Variants in CDKN2C observed in about 807,000 individuals in gnomAD.
CDKN2C encodes cyclin dependent kinase inhibitor 2C, also known as cyclin-dependent kinase 4 inhibitor C.
A neutral mutation model predicts 11.0 loss-of-function variants in CDKN2C; 5 were observed. That is an observed-to-expected ratio of 0.45 (90% CI 0.24 to 0.95). CDKN2C has a LOEUF of 0.95. CDKN2C is among the 40% of genes least tolerant of loss of function. The pLI is 0.21. For missense variants in CDKN2C, 161 were observed against 211.9 expected (o/e 0.76, Z 1.49); for synonymous variants, 79 against 88.3 (o/e 0.89, Z 0.59).
chr1:50,965,372 C>G (rs961592261), upstream of CDKN2C, among the ~76,000 whole-genome samples: 1 of 151,904 alleles, frequency 6.6e-6, no homozygotes, highest in Non-Finnish European at 1.5e-5. Flanking sequence ...GTAGTGGGCG[C>G]CTGTAATCCC....
upstream of CDKN2C, chr1:50,969,799 C>A: frequency 5.3e-6 from 1 of 190,040 alleles, no homozygotes; most frequent in Non-Finnish European, 1.1e-5. The surrounding 1 kb of genome is among the most constrained non-coding windows in gnomAD (Gnocchi z 6.6). Context: ...GCGGAGGACC[C>A]AGGACTATCC....
chr1:50,974,115 G>T lies in CDKN2C; in HGVS notation c.352G>T (p.Val118Leu), dbSNP rs1431140126. 6.2e-7 allele frequency: 1 copy of T among 1,614,192 alleles called. No individual in the cohort carries two copies. Among genetic ancestry groups the T allele is most frequent in the Non-Finnish European group, 8.5e-7 (1 of 1,180,040 alleles). ...HLAAKEGHLRVVEFLVKHTAS... is the reference protein window; with the variant it reads ...HLAAKEGHLRLVEFLVKHTAS... ...GGCTGCCAAAGAAGGCCACCTCCGGGTGGTGGAGTTCCTGGTGAAGCACAC... is the reference window on the plus strand; with the variant it reads ...GGCTGCCAAAGAAGGCCACCTCCGGTTGGTGGAGTTCCTGGTGAAGCACAC... Residue 118 changes from valine to leucine, a missense_variant, in exon 2 of 2, where the codon GTG (valine) becomes TTG (leucine). Transcript: ENST00000371761.
intron 1 of CDKN2C, 80 bp downstream of exon 1, chr1:50,970,577 G>A: frequency 6.6e-7 from 1 of 1,514,440 alleles, no homozygotes; most frequent in Non-Finnish European, 9.2e-7. Context: ...CAGCTTTTAA[G>A]CTTTCAGGGA....
intron 1 of CDKN2C, among the ~76,000 whole-genome samples, chr1:50,961,693 T>C (rs1279287223): frequency 6.6e-6 from 1 of 152,198 alleles, no homozygotes; most frequent in Non-Finnish European, 1.5e-5. Flanking sequence ...CTTTTTAAAC[T>C]TGTATCATTT....
rs1645373511 is a variant in CDKN2C, at chr1:50,970,411, A to G, written c.43A>G (p.Arg15Gly). The G allele has an allele frequency of 6.2e-7, 1 of 1,614,126 alleles. No homozygotes were observed. Among genetic ancestry groups the G allele is most frequent in the Non-Finnish European group, 8.5e-7 (1 of 1,180,004 alleles). ...WGNELASAAA[R>G]GDLEQLTSLL... ...GAACGAGTTGGCGTCCGCAGCTGCC[A>G]GGGGGGACCTAGAGCAACTTACTAG... is the stretch of plus-strand genomic sequence containing the variant. Residue 15 changes from arginine to glycine, a missense_variant, in exon 1 of 2, where the codon AGG becomes GGG. Coordinates refer to ENST00000371761, the MANE Select transcript of CDKN2C (RefSeq NM_078626.3).
In CDKN2C at chr1:50,974,207, G is replaced by A. The variant is rs1645394924; in HGVS notation, c.444G>A (p.Gly148=). ...CCTGTGATTTGGCCAGGCTCTATGGGAGGAATGAGGTTGTTAGCCTGATGC... is the reference window on the plus strand; with the variant it reads ...CCTGTGATTTGGCCAGGCTCTATGGAAGGAATGAGGTTGTTAGCCTGATGC... ...DTACDLARLY[G]RNEVVSLMQA... The change falls in exon 2 of 2, where the codon GGG becomes GGA. Residue 148 remains glycine (G), a synonymous_variant. Transcript: ENST00000371761. 6.2e-7 allele frequency: 1 copy of A among 1,607,334 alleles called. No individual in the cohort carries two copies. The highest frequency in any genetic ancestry group is 8.5e-7 in the Non-Finnish European group (1 of 1,175,348).
At chr1:50,964,989 A>G (rs1219954976) in intron 1 of CDKN2C, among the ~76,000 whole-genome samples, 1 of 151,836 alleles carries the variant, frequency 6.6e-6, no homozygotes, top group African/African-American at 2.4e-5. Flanking sequence ...GGAGGCAGAG[A>G]TTGGAGTGAG....
chr1:50,961,839 G>T (rs2124774488), intron 1 of CDKN2C, among the ~76,000 whole-genome samples: 1 of 152,292 alleles, frequency 6.6e-6, no homozygotes, highest in Admixed American at 6.5e-5. Flanking sequence ...ACCCAGCAAG[G>T]CCTAGGCTCC....
upstream of CDKN2C, chr1:50,970,232 C>A: frequency 9.6e-7 from 1 of 1,041,706 alleles, no homozygotes; most frequent in Non-Finnish European, 1.4e-6. Flanking sequence ...TATTTACTAC[C>A]AAGCTCTACT....
At position 50,974,063 on chromosome 1, in the gene CDKN2C, T is replaced by C. The variant is rs764157577; in HGVS notation, c.300T>C (p.Asp100=). ...TTCAAGCTGATGTTAACATCGAGGATAATGAAGGGAACCTGCCCTTGCACT... is the reference window on the plus strand; with the variant it reads ...TTCAAGCTGATGTTAACATCGAGGACAATGAAGGGAACCTGCCCTTGCACT... ...LEFQADVNIE[D]NEGNLPLHLA... Residue 100 remains aspartate (D), a synonymous_variant, in exon 2 of 2, where the codon GAT becomes GAC. Transcript: ENST00000371761. The C allele has an allele frequency of 1.9e-6, 3 of 1,614,186 alleles. No individual in the cohort carries two copies. Among genetic ancestry groups the C allele is most frequent in the Non-Finnish European group, 2.5e-6 (3 of 1,180,038 alleles).
chr1:50,968,275 C>T (rs1363561004), upstream of CDKN2C: 3 of 152,370 alleles, frequency 2.0e-5, no homozygotes, highest in Admixed American at 6.5e-5. Flanking sequence ...GCCGACCTGC[C>T]CCGCTAGCGC....
chr1:50,961,320 G>C (rs570163953), intron 1 of CDKN2C, among the ~76,000 whole-genome samples: 1 of 152,216 alleles, frequency 6.6e-6, no homozygotes, highest in Non-Finnish European at 1.5e-5. Flanking sequence ...TTACAGGCGT[G>C]AGCCACTGCA....
At position 50,965,057 on chromosome 1, in the gene CDKN2C, TATAGATAG is replaced by T. The variant is rs71578051; in HGVS notation, c.-1975-2843_-1975-2836del. On this transcript the variant is annotated intron_variant, in intron 1 of 3. Transcript: ENST00000262662. ...ACAAAGCGAGATTCAGTCTCAAAAA[TATAGATAG>T]ATAGATAGATAGATAGATAGATAGA... Among the ~76,000 whole-genome samples, 970 of 147,322 alleles carry T rather than the reference TATAGATAG, an allele frequency of 6.6e-3. 4 individuals carry two copies. The highest frequency in any genetic ancestry group is 0.034 in the Middle Eastern group (10 of 290).
In CDKN2C at chr1:50,974,136, C is replaced by T. The variant is rs2147958559; in HGVS notation, c.373C>T (p.His125Tyr). 1 of 1,614,182 alleles carries T rather than the reference C, an allele frequency of 6.2e-7. No individual in the cohort carries two copies. Among genetic ancestry groups the T allele is most frequent in the East Asian group, 2.2e-5 (1 of 44,882 alleles). ...HLRVVEFLVK[H>Y]TASNVGHRNH... ...CCGGGTGGTGGAGTTCCTGGTGAAG[C>T]ACACGGCCAGCAATGTGGGGCATCG... Residue 125 changes from histidine (H) to tyrosine (Y), a missense_variant, in exon 2 of 2, where the codon CAC becomes TAC. His to Tyr is a moderately conservative substitution (Grantham distance 83). Coordinates refer to ENST00000371761, the MANE Select transcript of CDKN2C (RefSeq NM_078626.3).
upstream of CDKN2C, chr1:50,970,009 C>A (rs778608051): frequency 1.4e-4 from 59 of 411,684 alleles, no homozygotes; most frequent in Non-Finnish European, 2.2e-4. Context: ...AGATCTGTAG[C>A]GTAGGTACGT....
At chr1:50,963,804 A>G (rs1055539431) in intron 1 of CDKN2C, among the ~76,000 whole-genome samples, 3 of 152,218 alleles carry the variant, frequency 2.0e-5, no homozygotes, top group African/African-American at 7.2e-5. Context: ...AAACCAAAAG[A>G]AGGAAATGTA....
chr1:50,966,975 G>GTTTT (rs1278431350), upstream of CDKN2C, among the ~76,000 whole-genome samples: 1 of 152,062 alleles, frequency 6.6e-6, no homozygotes, highest in Admixed American at 6.5e-5. Context: ...ATTATCATAA[G>GTTTT]TTTTCCTTAG....
chr1:50,970,496 A>T lies in CDKN2C; in HGVS notation c.128A>T (p.Gln43Leu). The change falls in exon 1 of 2, where the codon CAG (glutamine) becomes CTG (leucine). Residue 43 changes from glutamine (Q) to leucine (L), a missense_variant and splice_region_variant. Physicochemically the swap from Gln to Leu is moderately radical, Grantham distance 113. Transcript: ENST00000371761. ...AATGGATTTGGAAGGACTGCGCTGC[A>T]GGTTGGTATTAAGAGAGGTGGGGAA... ...AQNGFGRTAL[Q>L]VMKLGNPEIA... The T allele has an allele frequency of 6.2e-7, 1 of 1,614,178 alleles. No homozygotes were observed. Among genetic ancestry groups the T allele is most frequent in the Non-Finnish European group, 8.5e-7 (1 of 1,180,014 alleles).
chr1:50,973,096 C>G (rs930198237), intron 1 of CDKN2C, among the ~76,000 whole-genome samples: 1 of 152,114 alleles, frequency 6.6e-6, no homozygotes, highest in Non-Finnish European at 1.5e-5. Context: ...CAAGGCATAT[C>G]AGGAACTTAG....
Sources: allele counts gnomAD v4.1 joint callset (sites outside exome capture counted in the v4.1 genomes callset), GRCh38; gene constraint gnomAD v4.1.1; non-coding constraint Gnocchi (gnomAD v3.1); transcripts MANE v1.5; gene names NCBI Gene and HGNC (gene_info 2026-07-23, HGNC 2026-07-21).